TP63: variants seen among roughly 807,000 people sequenced by gnomAD.
The protein encoded by TP63 is tumor protein p63.
A neutral mutation model predicts 82.8 loss-of-function variants in TP63; 17 were observed. The observed-to-expected ratio is 0.21, with a 90% CI of 0.14 to 0.31. The LOEUF (loss-of-function observed/expected upper bound fraction) is 0.31. Among genes scored for constraint, TP63 ranks in the 10% least tolerant of loss-of-function variants. The pLI, the probability that TP63 is intolerant of heterozygous loss-of-function variation, is 1.00. For synonymous variants in TP63, 330 were observed against 321.7 expected (o/e 1.03, Z -0.28); for missense variants, 648 against 895.3 (o/e 0.72, Z 3.52).
intron 3 of TP63, among the ~76,000 whole-genome samples, chr3:189,784,251 A>G (rs1369538468): frequency 6.6e-6 from 1 of 152,094 alleles, no homozygotes; most frequent in Non-Finnish European, 1.5e-5. Context: ...CACTATCTAA[A>G]TCCAGGTAAG....
chr3:189,738,158 G>A (rs1027478857), intron 2 of TP63, among the ~76,000 whole-genome samples: 4 of 152,092 alleles, frequency 2.6e-5, no homozygotes, highest in African/African-American at 9.7e-5. Context: ...CCATTCCTTT[G>A]GCTTGAAGAC....
chr3:189,645,949 C>G (rs1254493943), intron 1 of TP63, among the ~76,000 whole-genome samples: 1 of 147,228 alleles, frequency 6.8e-6, no homozygotes, highest in African/African-American at 2.5e-5. Flanking sequence ...AATTGTGTTA[C>G]TATAAACATA....
At chr3:189,732,396 C>T (rs911489790) in intron 1 of TP63, among the ~76,000 whole-genome samples, 1 of 152,028 alleles carries the variant, frequency 6.6e-6, no homozygotes, top group Non-Finnish European at 1.5e-5. Flanking sequence ...TTGTTTTGAC[C>T]CAAGGTTACA....
intron 13 of TP63, 48 bp downstream of exon 13, chr3:189,890,930 C>A (rs888331674): frequency 2.5e-6 from 4 of 1,575,386 alleles, no homozygotes; most frequent in Non-Finnish European, 2.6e-6. Context: ...TCATTTCTTT[C>A]CTCTGATGAC....
At chr3:189,843,310 G>A (rs966417785) in intron 4 of TP63, among the ~76,000 whole-genome samples, 7 of 152,148 alleles carry the variant, frequency 4.6e-5, no homozygotes, top group East Asian at 1.9e-4. Flanking sequence ...TGGTCCTCAC[G>A]GTAAGTGAGT....
intron 4 of TP63, among the ~76,000 whole-genome samples, chr3:189,836,493 G>A (rs1286502080): frequency 6.6e-6 from 1 of 152,144 alleles, no homozygotes; most frequent in Non-Finnish European, 1.5e-5. Context: ...AAATGATTAC[G>A]TAGTGTAATT....
chr3:189,664,294 G>A (rs10937404), intron 1 of TP63, among the ~76,000 whole-genome samples: 44,846 of 151,968 alleles, frequency 0.3, 7,528 homozygotes, highest in Middle Eastern at 0.49. Context: ...TGCCTATCTC[G>A]TTACTAAAAT....
intron 1 of TP63, among the ~76,000 whole-genome samples, chr3:189,655,570 T>C (rs9867687): frequency 0.97 from 147,830 of 152,204 alleles, 71,939 homozygotes; most frequent in Middle Eastern, 1. Flanking sequence ...TGCAGTGAGG[T>C]GAGCTCATGT....
At chr3:189,627,356 G>C (rs1433149502), upstream of TP63, among the ~76,000 whole-genome samples, 1 of 152,152 alleles carries the variant, frequency 6.6e-6, no homozygotes, top group Non-Finnish European at 1.5e-5. Context: ...GCTATAATAA[G>C]AGTGAATTAC....
intron 1 of TP63, among the ~76,000 whole-genome samples, chr3:189,659,263 C>T (rs773368768): frequency 3.3e-5 from 5 of 151,788 alleles, no homozygotes; most frequent in South Asian, 2.1e-4. Flanking sequence ...TTTATGTCCC[C>T]GTATACCCAA....
At chr3:189,697,288 A>C (rs1424300516) in intron 1 of TP63, among the ~76,000 whole-genome samples, 1 of 137,196 alleles carries the variant, frequency 7.3e-6, no homozygotes, top group Admixed American at 7.6e-5. Flanking sequence ...CATTTGTTTG[A>C]AAAAAAAGTC....
At chr3:189,711,916 T>C (rs528580303) in intron 1 of TP63, among the ~76,000 whole-genome samples, 1 of 151,980 alleles carries the variant, frequency 6.6e-6, no homozygotes, top group African/African-American at 2.4e-5. Context: ...GTCATGTTGG[T>C]TTGGTGGATG....
intron 3 of TP63, among the ~76,000 whole-genome samples, chr3:189,765,305 T>C (rs1722855079): frequency 6.6e-6 from 1 of 152,028 alleles, no homozygotes; most frequent in Non-Finnish European, 1.5e-5. Flanking sequence ...CCCCGTATAT[T>C]GTTTTTTTCC....
intron 4 of TP63, among the ~76,000 whole-genome samples, chr3:189,852,598 G>T (rs1430836573): frequency 1.3e-5 from 2 of 152,090 alleles, no homozygotes; most frequent in Admixed American, 1.3e-4. Flanking sequence ...ACTGCCCTAG[G>T]TTGGGCCTTC....
chr3:189,742,054 C>T (rs554495532), intron 3 of TP63, among the ~76,000 whole-genome samples: 1 of 151,980 alleles, frequency 6.6e-6, no homozygotes, highest in Non-Finnish European at 1.5e-5. Flanking sequence ...ACCAGCCCGG[C>T]CAACATGGTG....
intron 3 of TP63, among the ~76,000 whole-genome samples, chr3:189,806,123 T>TGC (rs1396747205): frequency 1.3e-5 from 2 of 150,440 alleles, no homozygotes; most frequent in Non-Finnish European, 3.0e-5. Flanking sequence ...GAAGAGTGTT[T>TGC]GCTCACTGGC....
At chr3:189,867,616 C>A (rs1717891588) in intron 6 of TP63, among the ~76,000 whole-genome samples, 1 of 152,170 alleles carries the variant, frequency 6.6e-6, no homozygotes, top group East Asian at 1.9e-4. Context: ...TAAAGCCTGT[C>A]TCACCTAAGG....
chr3:189,883,725 G>A lies in TP63; in HGVS notation c.1350-2669G>A, dbSNP rs996373837. Among the ~76,000 whole-genome samples the A allele has an allele frequency of 1.8e-4, 27 of 152,228 alleles. No homozygotes were observed. The South Asian group carries it at 4.1e-3, about 23-fold the overall frequency. ...TCAAGAAACTTGTACAACATCCTGCGTCACTAAGTTTGTGTTAGATGTTTT... is the reference window on the plus strand; with the variant it reads ...TCAAGAAACTTGTACAACATCCTGCATCACTAAGTTTGTGTTAGATGTTTT... On this transcript the variant is annotated intron_variant, in intron 10 of 13. Transcript: ENST00000264731.
chr3:189,617,169 C>T, the TP63 span, among the ~76,000 whole-genome samples: 2 of 152,166 alleles, frequency 1.3e-5, no homozygotes, highest in South Asian at 2.1e-4. Flanking sequence ...CTTATCAAGG[C>T]CTCCTGTATA....
Sources: allele counts gnomAD v4.1 joint callset (sites outside exome capture counted in the v4.1 genomes callset), GRCh38; gene constraint gnomAD v4.1.1; transcripts MANE v1.5; gene names NCBI Gene and HGNC (gene_info 2026-07-23, HGNC 2026-07-21).